LSM12: variants seen among roughly 807,000 people sequenced by gnomAD.
The protein encoded by LSM12 is LSM12 homolog.
For synonymous variants in LSM12, 74 were observed against 87.3 expected (o/e 0.85, Z 0.85); for missense variants, 108 against 238.9 (o/e 0.45, Z 3.61).
upstream of LSM12, among the ~76,000 whole-genome samples, chr17:44,067,136 C>A (rs894313285): frequency 3.3e-5 from 5 of 152,200 alleles, no homozygotes; most frequent in East Asian, 1.9e-4. Flanking sequence ...CCCGTCTCTA[C>A]TAAAAATACA....
At chr17:44,055,994 G>A (rs928881257) in intron 2 of LSM12, among the ~76,000 whole-genome samples, 5 of 151,568 alleles carry the variant, frequency 3.3e-5, no homozygotes, top group African/African-American at 1.2e-4. Flanking sequence ...TGGGTAGGGC[G>A]TGGTGGCTCA....
rs1482506880 is a variant in LSM12 at position 44,046,704 on chromosome 17, C to T, written c.259-6448G>A. On this transcript the variant is annotated intron_variant, in intron 2 of 4. Transcript: ENST00000293406. Reference sequence around the variant, plus strand: ...CAGCCTGGGCAACAGAGCCAGACTCCGTCTCAAAAAAAAAAAAAAAAAAGG... The same window carrying T: ...CAGCCTGGGCAACAGAGCCAGACTCTGTCTCAAAAAAAAAAAAAAAAAAGG... 3.7e-5 allele frequency among the ~76,000 whole-genome samples: 5 copies of T among 134,120 alleles called. No homozygotes were observed. The East Asian group carries it at 8.6e-4, about 23-fold the overall frequency. The allele number at this position is 134,120 out of a possible 152,430, so 88.0% of individuals were successfully genotyped here.
chr17:44,037,754 G>A (rs1434199692), intron 3 of LSM12, among the ~76,000 whole-genome samples: 1 of 152,158 alleles, frequency 6.6e-6, no homozygotes, highest in Non-Finnish European at 1.5e-5. Flanking sequence ...ATTCTTGGGA[G>A]AGCCCAGAAA....
chr17:44,038,317 G>A lies in LSM12; in HGVS notation c.369-779C>T, dbSNP rs146608456. ...TATAGTAAGCTAAAATCGCACCACT[G>A]CACTCCCAACCTAGGCAATAAAAGT... On this transcript the variant is annotated intron_variant, in intron 3 of 4. Coordinates refer to ENST00000293406, the MANE Select transcript of LSM12 (RefSeq NM_001371445.1). Among the ~76,000 whole-genome samples, 285 of 147,434 alleles carry A rather than the reference G, an allele frequency of 1.9e-3. No individual in the cohort carries two copies. In the South Asian group the frequency reaches 0.023, roughly 12 times the overall value.
chr17:44,065,746 T>G (rs1474082400), intron 1 of LSM12, among the ~76,000 whole-genome samples: 3 of 151,930 alleles, frequency 2.0e-5, no homozygotes, highest in African/African-American at 7.3e-5. Flanking sequence ...CACCTGTAAC[T>G]CACACATCCC....
At chr17:44,042,424 A>G (rs1004937107) in intron 2 of LSM12, among the ~76,000 whole-genome samples, 3 of 151,846 alleles carry the variant, frequency 2.0e-5, no homozygotes, top group African/African-American at 7.3e-5. Flanking sequence ...CTTGGGATTG[A>G]GTTTCACTCT....
At chr17:44,054,609 C>T (rs891620012) in intron 2 of LSM12, among the ~76,000 whole-genome samples, 6 of 151,520 alleles carry the variant, frequency 4.0e-5, no homozygotes, top group African/African-American at 9.7e-5. Flanking sequence ...CCCACCAAGT[C>T]GGTGATTTTT....
chr17:44,066,450 G>C lies in LSM12; in HGVS notation c.124+14C>G, dbSNP rs1008551784. The C allele has an allele frequency of 1.9e-6, 3 of 1,555,528 alleles. No individual in the cohort carries two copies. The highest frequency in any genetic ancestry group is 2.8e-5 in the African/African-American group (2 of 71,034). ...ACGCCGGCCCGGACTCGGGCTTCAC[G>C]CAGGGAAGGATACTTAAAGCCAGCA... On this transcript the variant is annotated intron_variant, in intron 1 of 4. Coordinates refer to ENST00000293406, the MANE Select transcript of LSM12 (RefSeq NM_001371445.1).
chr17:44,050,781 A>C (rs1033803150), intron 2 of LSM12, among the ~76,000 whole-genome samples: 6 of 151,938 alleles, frequency 3.9e-5, no homozygotes, highest in African/African-American at 1.4e-4. Context: ...TCAGCCTCCC[A>C]AAGTGCTGGA....
intron 2 of LSM12, among the ~76,000 whole-genome samples, chr17:44,063,230 C>T (rs1023503955): frequency 8.5e-5 from 13 of 152,280 alleles, no homozygotes; most frequent in African/African-American, 2.9e-4. Context: ...CCCTGTCTCA[C>T]ACATACACAC....
chr17:44,059,914 C>T (rs1238784935), intron 2 of LSM12, among the ~76,000 whole-genome samples: 1 of 152,154 alleles, frequency 6.6e-6, no homozygotes, highest in Non-Finnish European at 1.5e-5. Flanking sequence ...CCTGTAATCC[C>T]AGCACTTTGG....
intron 2 of LSM12, among the ~76,000 whole-genome samples, chr17:44,042,915 C>T (rs577835399): frequency 6.6e-4 from 100 of 151,674 alleles, no homozygotes; most frequent in African/African-American, 2.2e-3. Flanking sequence ...GTTGGCCAGG[C>T]CGGTCTTGAA....
chr17:44,066,750 A>G, upstream of LSM12: 1 of 888,634 alleles, frequency 1.1e-6, no homozygotes, highest in Non-Finnish European at 1.5e-6. Flanking sequence ...GGAGTGGGAA[A>G]GAAGAGGAAA....
chr17:44,063,805 C>A lies in LSM12; in HGVS notation c.254G>T (p.Ser85Ile). The change falls in exon 2 of 5, where the codon AGT becomes ATT. Residue 85 changes from serine (S) to isoleucine (I), a missense_variant. By Grantham distance (142) the Ser-to-Ile change is moderately radical (BLOSUM62 -2). Transcript: ENST00000293406. ...GATCTGCCCTTGAGTCCTTACCTTA[C>A]TAACATTGAGTGAAGCTAGGGGAGG... ...TPPPLASLNV[S>I]KLASKARTEK... 1 of 1,613,432 alleles carries A rather than the reference C, an allele frequency of 6.2e-7. No individual in the cohort carries two copies. Among genetic ancestry groups the A allele is most frequent in the Non-Finnish European group, 8.5e-7 (1 of 1,179,836 alleles).
At chr17:44,050,493 T>C (rs1391365201) in intron 2 of LSM12, among the ~76,000 whole-genome samples, 1 of 151,378 alleles carries the variant, frequency 6.6e-6, no homozygotes, top group Non-Finnish European at 1.5e-5. Context: ...AACTGTTCCC[T>C]AGCTGAAAGC....
chr17:44,041,304 C>CACACACACACACACACACAA, intron 2 of LSM12, among the ~76,000 whole-genome samples: 6 of 139,036 alleles, frequency 4.3e-5, no homozygotes, highest in Non-Finnish European at 7.7e-5. Flanking sequence ...CACACACACA[C>CACACACACACACACACACAA]ACACACACAC....
rs1239200842 is a variant in LSM12, at chr17:44,065,456, AAAAG to A, written c.124+1004_124+1007del. Among the ~76,000 whole-genome samples the A allele has an allele frequency of 8.0e-4, 121 of 151,774 alleles. 1 individual carries two copies. The highest frequency in any genetic ancestry group is 8.0e-3 in the Admixed American group (121 of 15,190). On this transcript the variant is annotated intron_variant, in intron 1 of 4. Transcript: ENST00000293406. ...CTCCATCTTAAAAAAAAAAAAAAAA[AAAAG>A]ATGCCATAAAAAATTACTCCTCCAA...
chr17:44,045,259 C>T (rs2049546979), intron 2 of LSM12, among the ~76,000 whole-genome samples: 2 of 152,094 alleles, frequency 1.3e-5, no homozygotes, highest in South Asian at 4.1e-4. Flanking sequence ...AACTCCTGAC[C>T]TCGTGATCTG....
At chr17:44,055,977 G>T (rs1041309660) in intron 2 of LSM12, among the ~76,000 whole-genome samples, 1 of 151,452 alleles carries the variant, frequency 6.6e-6, no homozygotes, top group African/African-American at 2.4e-5. Flanking sequence ...GATACCTAAA[G>T]GTACCCTGGG....
Sources: gnomAD v4.1 joint callset for allele counts (sites outside exome capture counted in the v4.1 genomes callset) on GRCh38, gnomAD v4.1.1 for gene constraint, MANE v1.5 for transcripts, NCBI Gene and HGNC (gene_info 2026-07-23, HGNC 2026-07-21) for gene names.